Variants in NOCT observed in about 807,000 individuals in gnomAD.
NOCT encodes nocturnin.
NOCT carries 18 observed loss-of-function variants against 35.0 expected under a neutral mutation model. The observed-to-expected ratio is 0.51, with a 90% CI of 0.36 to 0.76. The LOEUF is 0.76. NOCT is among the 30% of genes least tolerant of loss of function. The probability of loss-of-function intolerance (pLI) is 0.01; values close to 1 mark genes in which losing one functional copy is unlikely to be tolerated. For synonymous variants in NOCT, 235 were observed against 226.3 expected (o/e 1.04, Z -0.34); for missense variants, 479 against 541.0 (o/e 0.89, Z 1.14).
chr4:139,027,236 G>C (rs1181981452), intron 1 of NOCT, among the ~76,000 whole-genome samples: 1 of 150,226 alleles, frequency 6.7e-6, no homozygotes, highest in African/African-American at 2.5e-5. Context: ...GTGCAGTGGC[G>C]CAGAGCCAGC....
At chr4:139,040,337 G>A (rs1348551818) in intron 1 of NOCT, among the ~76,000 whole-genome samples, 2 of 152,074 alleles carry the variant, frequency 1.3e-5, no homozygotes, top group Non-Finnish European at 2.9e-5. Context: ...ACCGCGCCCA[G>A]CCTTGTATCA....
chr4:139,045,487 G>A lies in NOCT; in HGVS notation c.*13G>A, dbSNP rs1441352793. 1.5e-6 allele frequency: 1 copy of A among 652,286 alleles called. No homozygotes were observed. Among genetic ancestry groups the A allele is most frequent in the South Asian group, 2.6e-5 (1 of 37,920 alleles). 40.4% of individuals were successfully genotyped at this position (652,286 alleles called of 1,614,324 possible). A position where few individuals can be genotyped will look rare whatever the true frequency, so the allele number is the denominator to read the frequency against. On this transcript the variant is annotated 3_prime_UTR_variant, in exon 3 of 3. Transcript: ENST00000280614. ...TGGACTTTCATAAATACTTGCTTTT[G>A]TCTTTTTAATCACAGGAGTCTATTT...
Position 139,044,838 on chromosome 4 carries a change from C to T in NOCT, c.660C>T (p.Pro220=). The part of the protein sequence containing the change: ...LGYQGTFFPK[P]WSPCLDVEHN... The stretch of plus-strand genomic sequence containing the variant: ...ATCAAGGCACGTTTTTCCCCAAACC[C>T]TGGTCACCTTGTCTAGATGTAGAAC... The change falls in exon 3 of 3, where the codon CCC becomes CCT. Residue 220 remains proline, a synonymous_variant. Coordinates refer to ENST00000280614, the MANE Select transcript of NOCT (RefSeq NM_012118.4). The T allele has an allele frequency of 6.2e-7, 1 of 1,614,206 alleles. No homozygotes were observed. The highest frequency in any genetic ancestry group is 8.5e-7 in the Non-Finnish European group (1 of 1,180,034).
At chr4:139,038,143 T>C (rs1726767717) in intron 1 of NOCT, among the ~76,000 whole-genome samples, 1 of 152,046 alleles carries the variant, frequency 6.6e-6, no homozygotes, top group African/African-American at 2.4e-5. Flanking sequence ...GAGGTTGCAG[T>C]GAGCCGAGAT....
intron 1 of NOCT, among the ~76,000 whole-genome samples, chr4:139,039,602 G>T (rs1284907098): frequency 4.0e-5 from 6 of 151,372 alleles, no homozygotes; most frequent in Non-Finnish European, 7.4e-5. Flanking sequence ...TTTAAAAAAA[G>T]CAATCCTTAG....
intron 1 of NOCT, among the ~76,000 whole-genome samples, chr4:139,032,177 G>A (rs1726639308): frequency 6.6e-6 from 1 of 152,202 alleles, no homozygotes; most frequent in South Asian, 2.1e-4. Context: ...ATAGCAGTGA[G>A]GGCTTAGCAA....
At chr4:139,019,287 C>G (rs947187875) in intron 1 of NOCT, among the ~76,000 whole-genome samples, 13 of 152,224 alleles carry the variant, frequency 8.5e-5, no homozygotes, top group Admixed American at 4.6e-4. Context: ...CTCCCCAGCT[C>G]TGGTGATCCA....
chr4:139,035,431 C>A (rs1296983575), intron 1 of NOCT, among the ~76,000 whole-genome samples: 1 of 152,186 alleles, frequency 6.6e-6, no homozygotes, highest in East Asian at 1.9e-4. Context: ...CCACCACACC[C>A]AGCCTCAAGG....
Position 139,022,993 on chromosome 4 carries a change from C to T in NOCT, c.190+6822C>T, listed in dbSNP as rs564225545. On this transcript the variant is annotated intron_variant, in intron 1 of 2. Transcript: ENST00000280614. ...GTGTGTGCCTGTAATCCCAGCTATT[C>T]GGGAGGCTGAGGCAGGAGAATTGCT... 8.6e-5 allele frequency among the ~76,000 whole-genome samples: 13 copies of T among 151,512 alleles called. No homozygotes were observed. In the East Asian group the frequency reaches 1.2e-3, roughly 14 times the overall value.
chr4:139,037,890 A>C (rs569290362), intron 1 of NOCT, among the ~76,000 whole-genome samples: 1 of 151,730 alleles, frequency 6.6e-6, no homozygotes, highest in African/African-American at 2.4e-5. Context: ...CTTACAAAAA[A>C]CAGGCCCTTT....
In NOCT at chr4:139,034,312, G is replaced by A. The variant is rs565202897; in HGVS notation, c.191-8762G>A. Reference sequence around the variant, plus strand: ...CCATTGCCCAACTCCCAACACTGCTGCTTTGGGGATCAAGTTTCTAATACA... The same window carrying A: ...CCATTGCCCAACTCCCAACACTGCTACTTTGGGGATCAAGTTTCTAATACA... On this transcript the variant is annotated intron_variant, in intron 1 of 2. Transcript: ENST00000280614. Among the ~76,000 whole-genome samples, 3 of 152,138 alleles carry A rather than the reference G, an allele frequency of 2.0e-5. No individual in the cohort carries two copies. In the South Asian group the frequency reaches 6.2e-4, roughly 32 times the overall value.
chr4:139,036,616 A>G (rs1010520543), intron 1 of NOCT, among the ~76,000 whole-genome samples: 1 of 152,144 alleles, frequency 6.6e-6, no homozygotes, highest in African/African-American at 2.4e-5. Context: ...CATAGTTAGC[A>G]CCCAGTTTTT....
intron 1 of NOCT, among the ~76,000 whole-genome samples, chr4:139,040,804 T>TG (rs1560734181): frequency 6.6e-6 from 1 of 152,144 alleles, no homozygotes; most frequent in Non-Finnish European, 1.5e-5. Flanking sequence ...GCTCACAATT[T>TG]GGGGATCACA....
In NOCT at chr4:139,045,545, C is replaced by G. The variant is rs537515514; in HGVS notation, c.*71C>G. On this transcript the variant is annotated 3_prime_UTR_variant, in exon 3 of 3. Transcript: ENST00000280614. ...TTTTTTTTTTTTTTTGAGACAGAGT[C>G]TCGCTCTGTTGCCTAGGCTGGAGTA... The G allele has an allele frequency of 9.9e-4, 748 of 752,784 alleles. 2 individuals carry two copies. Among genetic ancestry groups the G allele is most frequent in the Non-Finnish European group, 1.3e-3 (647 of 511,374 alleles). 46.6% of individuals were successfully genotyped at this position (752,784 alleles called of 1,614,324 possible). A position where few individuals can be genotyped will look rare whatever the true frequency, so the allele number is the denominator to read the frequency against.
At chr4:139,041,038 A>C (rs1726825566) in intron 1 of NOCT, among the ~76,000 whole-genome samples, 1 of 152,264 alleles carries the variant, frequency 6.6e-6, no homozygotes, top group Non-Finnish European at 1.5e-5. Flanking sequence ...GTTTGGAAAC[A>C]GTTGTATATG....
chr4:139,034,004 C>T (rs1236384027), intron 1 of NOCT, among the ~76,000 whole-genome samples: 9 of 152,048 alleles, frequency 5.9e-5, no homozygotes, highest in Admixed American at 5.2e-4. Flanking sequence ...GATTATAGCA[C>T]GTTTGAAATT....
intron 1 of NOCT, among the ~76,000 whole-genome samples, chr4:139,018,659 G>C (rs1279906315): frequency 6.6e-6 from 1 of 152,178 alleles, no homozygotes; most frequent in East Asian, 1.9e-4. Flanking sequence ...ACACAATGTA[G>C]GTGCTTTATT....
intron 1 of NOCT, among the ~76,000 whole-genome samples, chr4:139,035,616 C>T (rs1004515872): frequency 2.0e-5 from 3 of 152,146 alleles, no homozygotes; most frequent in East Asian, 1.9e-4. Flanking sequence ...CCTGTCTGCC[C>T]TTATGTCCCT....
chr4:139,043,975 A>AATATGT (rs1036451710), intron 2 of NOCT: 6 of 98,006 alleles, frequency 6.1e-5, no homozygotes, highest in Non-Finnish European at 1.3e-4. Flanking sequence ...GTCTCAAAAA[A>AATATGT]ATATGTATAT....
Sources: allele counts gnomAD v4.1 joint callset (sites outside exome capture counted in the v4.1 genomes callset), GRCh38; gene constraint gnomAD v4.1.1; transcripts MANE v1.5; gene names NCBI Gene and HGNC (gene_info 2026-07-23, HGNC 2026-07-21).